Variants in DCHS2 observed in about 807,000 individuals in gnomAD.
The protein encoded by DCHS2 is dachsous cadherin-related 2, also known as protocadherin-23.
DCHS2 carries 142 observed loss-of-function variants against 182.4 expected under a neutral mutation model. The observed-to-expected ratio is 0.78, with a 90% CI of 0.68 to 0.89. The LOEUF is 0.89. DCHS2 is among the 40% of genes least tolerant of loss of function. The pLI is 0.00. For synonymous variants in DCHS2, 1,740 were observed against 1,663.3 expected (o/e 1.05, Z -1.12); for missense variants, 4,319 against 4,198.6 (o/e 1.03, Z -0.79).
chr4:154,433,327 A>G (rs982870744), intron 1 of DCHS2, among the ~76,000 whole-genome samples: 1 of 151,438 alleles, frequency 6.6e-6, no homozygotes, highest in African/African-American at 2.4e-5. Flanking sequence ...GGCCCTGCCA[A>G]GTACATTCAT....
intron 2 of DCHS2, among the ~76,000 whole-genome samples, chr4:154,369,962 C>T (rs1291384487): frequency 6.6e-6 from 1 of 152,166 alleles, no homozygotes; most frequent in Non-Finnish European, 1.5e-5. Context: ...TAATTGTCTG[C>T]TTTCCATTCT....
At chr4:154,257,817 C>T (rs927041022) in intron 15 of DCHS2, among the ~76,000 whole-genome samples, 15 of 152,332 alleles carry the variant, frequency 9.8e-5, no homozygotes, top group South Asian at 4.2e-4. Flanking sequence ...GAACAAAGTT[C>T]ATTCTATCTG....
rs539490197 is a variant in DCHS2 at position 154,421,464 on chromosome 4, G to A, written c.2053-44020C>T. Among the ~76,000 whole-genome samples, 55 of 151,972 alleles carry A rather than the reference G, an allele frequency of 3.6e-4. 1 individual carries two copies. Among genetic ancestry groups the A allele is most frequent in the African/African-American group, 1.1e-3 (46 of 41,458 alleles). On this transcript the variant is annotated intron_variant, in intron 1 of 19. Transcript: ENST00000357232. Reference sequence around the variant, plus strand: ...GGCTGGAGTGCAATGGCATGATCCCGGCTCACTGCAACCTCTGCCTCCGTG... The same window carrying A: ...GGCTGGAGTGCAATGGCATGATCCCAGCTCACTGCAACCTCTGCCTCCGTG...
intron 1 of DCHS2, among the ~76,000 whole-genome samples, chr4:154,451,199 T>G (rs369125092): frequency 6.6e-6 from 1 of 152,212 alleles, no homozygotes; most frequent in African/African-American, 2.4e-5. Context: ...ACAGGGATAC[T>G]GTCTGGAGCC....
chr4:154,453,151 T>A (rs2110980664), intron 1 of DCHS2, among the ~76,000 whole-genome samples: 1 of 152,070 alleles, frequency 6.6e-6, no homozygotes, highest in South Asian at 2.1e-4. Flanking sequence ...GAGCCAAACC[T>A]GAGAGGCCCA....
intron 1 of DCHS2, among the ~76,000 whole-genome samples, chr4:154,403,636 T>A (rs1195702271): frequency 6.6e-6 from 1 of 152,184 alleles, no homozygotes; most frequent in Non-Finnish European, 1.5e-5. Flanking sequence ...TGTTGTGATA[T>A]TAGGATGATC....
chr4:154,336,206 C>T (rs1728801655), intron 3 of DCHS2, among the ~76,000 whole-genome samples: 1 of 152,098 alleles, frequency 6.6e-6, no homozygotes, highest in East Asian at 1.9e-4. Context: ...TAGGCTTATG[C>T]ATGTAGAGTA....
chr4:154,305,674 C>T (rs773239155), intron 10 of DCHS2, among the ~76,000 whole-genome samples: 6 of 152,152 alleles, frequency 3.9e-5, no homozygotes, highest in Non-Finnish European at 5.9e-5. Context: ...CCTCAAGAAG[C>T]GAGCACCTAG....
At chr4:154,458,847 T>C (rs866142227) in intron 1 of DCHS2, among the ~76,000 whole-genome samples, 2 of 152,162 alleles carry the variant, frequency 1.3e-5, no homozygotes, top group South Asian at 4.1e-4. Flanking sequence ...AAGGTTGCAG[T>C]TTCTCAGGTG....
chr4:154,248,190 GA>G (rs1185254315), intron 16 of DCHS2, among the ~76,000 whole-genome samples: 2 of 151,624 alleles, frequency 1.3e-5, no homozygotes, highest in Middle Eastern at 3.4e-3. Context: ...GTGATAAAAG[GA>G]AAAAAACATA....
At chr4:154,335,516 A>G (rs1405445736) in intron 3 of DCHS2, among the ~76,000 whole-genome samples, 1 of 152,094 alleles carries the variant, frequency 6.6e-6, no homozygotes, top group Non-Finnish European at 1.5e-5. Context: ...AAACTATACG[A>G]CTGGCTCTCC....
chr4:154,288,237 C>T (rs1046899987), intron 13 of DCHS2, among the ~76,000 whole-genome samples: 2 of 152,022 alleles, frequency 1.3e-5, no homozygotes, highest in African/African-American at 4.8e-5. Flanking sequence ...GAAAAAGATA[C>T]TCCATGCAAA....
At position 154,491,572 on chromosome 4, in the gene DCHS2, C is replaced by T; in HGVS notation, c.-217G>A. 5.2e-6 allele frequency: 7 copies of T among 1,351,660 alleles called. No individual in the cohort carries two copies. Among genetic ancestry groups the T allele is most frequent in the Non-Finnish European group, 6.6e-6 (7 of 1,059,188 alleles). The allele number at this position is 1,351,660 out of a possible 1,614,324, so 83.7% of individuals were successfully genotyped here. On this transcript the variant is annotated 5_prime_UTR_variant, in exon 1 of 20. Coordinates refer to ENST00000357232, the MANE Select transcript of DCHS2 (RefSeq NM_001358235.2). ...CAGACAGGGAAGTAAGCTCTAGCTG[C>T]CTCTGCCGCGGCAGCCACCTCTTCT...
At chr4:154,365,837 C>T (rs1053383084) in intron 3 of DCHS2, among the ~76,000 whole-genome samples, 3 of 150,898 alleles carry the variant, frequency 2.0e-5, no homozygotes. Flanking sequence ...TTTAATAGAA[C>T]CAGGGTTTCA....
intron 3 of DCHS2, chr4:154,343,639 C>T: frequency 6.8e-7 from 1 of 1,481,110 alleles, no homozygotes; most frequent in Non-Finnish European, 9.0e-7. Context: ...TCATCTCTTT[C>T]AACCTTCCTA....
chr4:154,456,523 C>T (rs551708728), intron 1 of DCHS2, among the ~76,000 whole-genome samples: 1 of 152,208 alleles, frequency 6.6e-6, no homozygotes, highest in African/African-American at 2.4e-5. Context: ...AAACTAGCTC[C>T]GTCTCTGAGA....
intron 3 of DCHS2, among the ~76,000 whole-genome samples, chr4:154,350,492 T>C (rs928374118): frequency 2.0e-5 from 3 of 152,184 alleles, no homozygotes; most frequent in African/African-American, 4.8e-5. Context: ...ATTTGAGTCA[T>C]GTGCACACAC....
chr4:154,440,538 A>G (rs1035418282), intron 1 of DCHS2, among the ~76,000 whole-genome samples: 2 of 152,216 alleles, frequency 1.3e-5, no homozygotes, highest in African/African-American at 4.8e-5. Flanking sequence ...ATGTATAGCT[A>G]TTCATGTACC....
At chr4:154,334,559 T>C (rs571905484) in intron 4 of DCHS2, 4 of 244,426 alleles carry the variant, frequency 1.6e-5, no homozygotes, top group Non-Finnish European at 3.2e-5. Flanking sequence ...GTCAAAAATT[T>C]GTAAATTGTG....
Sources: gnomAD v4.1 joint callset for allele counts (sites outside exome capture counted in the v4.1 genomes callset) on GRCh38, gnomAD v4.1.1 for gene constraint, MANE v1.5 for transcripts, NCBI Gene and HGNC (gene_info 2026-07-23, HGNC 2026-07-21) for gene names.